SH3TC2: variants seen among roughly 807,000 people sequenced by gnomAD.
SH3TC2 encodes the protein SH3 domain and tetratricopeptide repeat-containing protein 2.
Under a neutral mutation model 124.5 loss-of-function variants are expected in SH3TC2, and 87 were observed. The ratio of observed to expected loss-of-function variants is 0.70; its 90% CI spans 0.59 to 0.84. The LOEUF is 0.84. SH3TC2 is among the 40% of genes least tolerant of loss of function. The probability of loss-of-function intolerance (pLI) is 0.00; values close to 1 mark genes in which losing one functional copy is unlikely to be tolerated. For missense variants in SH3TC2, 1,536 were observed against 1,566.4 expected, an observed-to-expected ratio of 0.98 and a Z score of 0.33; for synonymous variants, 634 against 628.5, an observed-to-expected ratio of 1.01 and a Z score of -0.13.
chr5:148,983,408 T>C lies in SH3TC2; in HGVS notation c.*21303A>G, dbSNP rs926884065. On this transcript the variant is annotated 3_prime_UTR_variant, in exon 17 of 17. Coordinates refer to ENST00000515425, the MANE Select transcript of SH3TC2 (RefSeq NM_024577.4). ...TGGATGAAAATAGCTCAAAAGGAGATAGCAAGGAGCACCAAGAAAAAATTT... is the reference window on the plus strand; with the variant it reads ...TGGATGAAAATAGCTCAAAAGGAGACAGCAAGGAGCACCAAGAAAAAATTT... Among the ~76,000 whole-genome samples, 1 of 152,194 alleles carries C rather than the reference T, an allele frequency of 6.6e-6. No individual in the cohort carries two copies. Among genetic ancestry groups the C allele is most frequent in the East Asian group, 1.9e-4 (1 of 5,186 alleles).
rs1262042319 is a variant in SH3TC2, at chr5:148,996,420, A to T, written c.*8291T>A. 6.6e-6 allele frequency among the ~76,000 whole-genome samples: 1 copy of T among 152,186 alleles called. No homozygotes were observed. The highest frequency in any genetic ancestry group is 1.5e-5 in the Non-Finnish European group (1 of 68,022). On this transcript the variant is annotated 3_prime_UTR_variant, in exon 17 of 17. Transcript: ENST00000515425. ...AACCGGAAATGAAAATCCTCCAAGTAATCTTTCTGTTTGCTATCCTTTCCC... is the reference window on the plus strand; with the variant it reads ...AACCGGAAATGAAAATCCTCCAAGTTATCTTTCTGTTTGCTATCCTTTCCC...
intron 2 of SH3TC2, among the ~76,000 whole-genome samples, chr5:149,048,760 T>C (rs1384673953): frequency 6.6e-6 from 1 of 152,154 alleles, no homozygotes; most frequent in South Asian, 2.1e-4. Flanking sequence ...AAGAGCGCTA[T>C]GAAAAAAAAT....
chr5:148,992,182 T>C lies in SH3TC2; in HGVS notation c.*12529A>G, dbSNP rs1222739869. 6.6e-6 allele frequency among the ~76,000 whole-genome samples: 1 copy of C among 152,238 alleles called. No individual in the cohort carries two copies. Among genetic ancestry groups the C allele is most frequent in the African/African-American group, 2.4e-5 (1 of 41,476 alleles). ...GAAGTTGATATCATTAATACTTCCA[T>C]ATTACAGATGCAGAAATGGAGGCCC... On this transcript the variant is annotated 3_prime_UTR_variant, in exon 17 of 17. Transcript: ENST00000515425.
intron 12 of SH3TC2, among the ~76,000 whole-genome samples, chr5:149,019,723 C>T (rs758111947): frequency 3.0e-4 from 45 of 152,240 alleles, no homozygotes; most frequent in Non-Finnish European, 5.0e-4. Context: ...AGGAAAACGG[C>T]GGAATCTTGT....
rs1754572524 is a variant in SH3TC2 at position 149,052,256 on chromosome 5, TA to T, written c.53-17del. The T allele has an allele frequency of 1.9e-6, 3 of 1,570,208 alleles. No homozygotes were observed. Among genetic ancestry groups the T allele is most frequent in the South Asian group, 1.1e-5 (1 of 90,178 alleles). On this transcript the variant is annotated splice_polypyrimidine_tract_variant and intron_variant, in intron 1 of 16. Coordinates refer to ENST00000515425, the MANE Select transcript of SH3TC2 (RefSeq NM_024577.4). ...GTTTCTTTACCTGGAGAAGATGAAA[TA>T]AAAGGTCATCTTAAGAGTGTAAGGA...
At chr5:149,033,676 T>C (rs1057184408) in intron 8 of SH3TC2, among the ~76,000 whole-genome samples, 5 of 152,210 alleles carry the variant, frequency 3.3e-5, no homozygotes, top group African/African-American at 7.2e-5. Flanking sequence ...AAAGAGCAGA[T>C]TGAAAAATTT....
intron 6 of SH3TC2, 27 bp downstream of exon 6, chr5:149,041,389 G>A (rs1754368438): frequency 1.2e-6 from 2 of 1,609,242 alleles, no homozygotes; most frequent in South Asian, 2.2e-5. Flanking sequence ...TCTGGGACTT[G>A]CTCCCAGGAG....
At chr5:149,051,874 T>C (rs1270440460) in intron 2 of SH3TC2, among the ~76,000 whole-genome samples, 1 of 152,216 alleles carries the variant, frequency 6.6e-6, no homozygotes, top group Non-Finnish European at 1.5e-5. Context: ...AAATCTAATT[T>C]ATGATATACT....
chr5:149,054,042 A>G (rs1754602002), intron 1 of SH3TC2, among the ~76,000 whole-genome samples: 1 of 152,226 alleles, frequency 6.6e-6, no homozygotes, highest in African/African-American at 2.4e-5. Flanking sequence ...CTAAAAGAGT[A>G]TAATTGGATT....
At position 149,020,274 on chromosome 5, in the gene SH3TC2, TA is replaced by T. The variant is rs992572085; in HGVS notation, c.3053+6297del. On this transcript the variant is annotated intron_variant, in intron 12 of 16. Coordinates refer to ENST00000515425, the MANE Select transcript of SH3TC2 (RefSeq NM_024577.4). ...AGGAAACTGCTAAGATTTTTATTTT[TA>T]AAAAATGTTAATTATTACCCCAGGG... Among the ~76,000 whole-genome samples the T allele has an allele frequency of 2.0e-5, 3 of 152,256 alleles. No individual in the cohort carries two copies. The East Asian group carries it at 5.8e-4, about 29-fold the overall frequency.
intron 12 of SH3TC2, among the ~76,000 whole-genome samples, chr5:149,025,507 T>C (rs1212176926): frequency 2.0e-5 from 3 of 152,236 alleles, no homozygotes; most frequent in Non-Finnish European, 4.4e-5. Context: ...TTCTGAATGC[T>C]CTATTTTAGA....
At position 149,006,998 on chromosome 5, in the gene SH3TC2, C is replaced by A; in HGVS notation, c.3558G>T (p.Glu1186Asp). The change falls in exon 16 of 17, where the codon GAG becomes GAT. Residue 1186 changes from glutamate to aspartate, a missense_variant. Physicochemically the swap from Glu to Asp is conservative, Grantham distance 45. Coordinates refer to ENST00000515425, the MANE Select transcript of SH3TC2 (RefSeq NM_024577.4). Reference protein sequence around the residue: ...YYSLHMYEMAEDCYLKTLSLC... With the variant: ...YYSLHMYEMADDCYLKTLSLC... ...GGGACAGGGTCTTCAGGTAGCAGTC[C>A]TCAGCCATCTCATACATGTGCAGGG... 1 of 1,614,178 alleles carries A rather than the reference C, an allele frequency of 6.2e-7. No individual in the cohort carries two copies. The highest frequency in any genetic ancestry group is 8.5e-7 in the Non-Finnish European group (1 of 1,180,030).
At chr5:149,014,539 T>G (rs957106413) in intron 12 of SH3TC2, among the ~76,000 whole-genome samples, 3 of 152,230 alleles carry the variant, frequency 2.0e-5, no homozygotes, top group African/African-American at 7.2e-5. Flanking sequence ...GCTGTTGGCC[T>G]TCTGGAGAGA....
Position 149,008,833 on chromosome 5 carries a change from A to G in SH3TC2, c.3478+18T>C, listed in dbSNP as rs1282145394. On this transcript the variant is annotated intron_variant, in intron 15 of 16. Transcript: ENST00000515425. ...TCACCCCTCTCATTCAACACACCCA[A>G]TAGTGAAGACCACCCACCTGTGACT... 6.2e-7 allele frequency: 1 copy of G among 1,613,744 alleles called. No homozygotes were observed. Among genetic ancestry groups the G allele is most frequent in the East Asian group, 2.2e-5 (1 of 44,880 alleles).
Position 148,986,867 on chromosome 5 carries a change from C to G in SH3TC2, c.*17844G>C, listed in dbSNP as rs540386111. The stretch of plus-strand genomic sequence containing the variant: ...AGCATCAAGTGTTAACTTGTTAAAA[C>G]AGTTACACCCAAAAAATGCTGAGAT... On this transcript the variant is annotated 3_prime_UTR_variant, in exon 17 of 17. Transcript: ENST00000515425. 2.0e-5 allele frequency among the ~76,000 whole-genome samples: 3 copies of G among 152,248 alleles called. No individual in the cohort carries two copies. The highest frequency in any genetic ancestry group is 7.2e-5 in the African/African-American group (3 of 41,550).
intron 12 of SH3TC2, among the ~76,000 whole-genome samples, chr5:149,016,639 C>T (rs1159712548): frequency 1.3e-5 from 2 of 152,110 alleles, no homozygotes; most frequent in Non-Finnish European, 2.9e-5. Flanking sequence ...AGAATAAAAG[C>T]CAGACGGCTG....
chr5:149,041,317 C>T, intron 6 of SH3TC2, 99 bp downstream of exon 6: 1 of 1,281,854 alleles, frequency 7.8e-7, no homozygotes, highest in South Asian at 1.3e-5. Context: ...TTCTCTCCTC[C>T]ACACTATGGA....
At position 149,027,301 on chromosome 5, in the gene SH3TC2, G is replaced by T; in HGVS notation, c.2431C>A (p.Gln811Lys). ...AGCACATCCAAAGCCTTCTTGGCCT[G>T]GCTGGCTAAGAGATAGGCCCATGCC... ...CLAWAYLLAS[Q>K]AKKALDVLEP... Residue 811 changes from glutamine to lysine, a missense_variant, in exon 11 of 17, where the codon CAG becomes AAG. Gln to Lys is a moderately conservative substitution (Grantham distance 53). Around this residue, in one of 3 missense-constraint regions of SH3TC2, gnomAD observed 1,102 missense variants for 1,098.6 expected, o/e 1.00. Coordinates refer to ENST00000515425, the MANE Select transcript of SH3TC2 (RefSeq NM_024577.4). The T allele has an allele frequency of 6.2e-7, 1 of 1,614,082 alleles. No individual in the cohort carries two copies.
intron 12 of SH3TC2, among the ~76,000 whole-genome samples, chr5:149,019,720 C>T (rs752435951): frequency 1.3e-5 from 2 of 152,126 alleles, no homozygotes; most frequent in East Asian, 1.9e-4. Context: ...TTTAGGAAAA[C>T]GGCGGAATCT....
Sources: allele counts gnomAD v4.1 joint callset (sites outside exome capture counted in the v4.1 genomes callset), GRCh38; gene constraint gnomAD v4.1.1; regional missense constraint gnomAD v4.1.1; transcripts MANE v1.5; gene names NCBI Gene and HGNC (gene_info 2026-07-23, HGNC 2026-07-21).